Variants in GNL3L observed in about 807,000 individuals in gnomAD.
The protein encoded by GNL3L is guanine nucleotide-binding protein-like 3-like protein.
GNL3L carries 4 observed loss-of-function variants against 42.9 expected under a neutral mutation model. That is an observed-to-expected ratio of 0.09 (90% confidence interval 0.05 to 0.21). The LOEUF is 0.21. Among genes scored for constraint, GNL3L ranks in the 10% least tolerant of loss-of-function variants. The probability of loss-of-function intolerance (pLI) is 1.00; values close to 1 mark genes in which losing one functional copy is unlikely to be tolerated. For synonymous variants in GNL3L, 159 were observed against 176.3 expected (o/e 0.90, Z 0.78); for missense variants, 412 against 481.7 (o/e 0.86, Z 1.36).
chrX:54,550,380 C>T (rs751154727), intron 9 of GNL3L, among the ~76,000 whole-genome samples: 6 of 110,577 alleles, frequency 5.4e-5, no homozygotes, highest in South Asian at 3.9e-4. Flanking sequence ...TCAGCTTTCT[C>T]GGGTTGAAAC....
chrX:54,639,494 A>T, the GNL3L span, among the ~76,000 whole-genome samples: 2 of 110,784 alleles, frequency 1.8e-5, no homozygotes, highest in Non-Finnish European at 3.8e-5. Context: ...TTCGATTCTC[A>T]CTCTTGGAGC....
chrX:54,571,788 AG>A (rs1925547128), downstream of GNL3L, among the ~76,000 whole-genome samples: 2 of 108,583 alleles, frequency 1.8e-5, no homozygotes, highest in African/African-American at 6.7e-5. Context: ...TTGGATATTT[AG>A]GTTTATAGAT....
chrX:54,643,259 T>C, the GNL3L span, among the ~76,000 whole-genome samples: 1 of 111,601 alleles, frequency 9.0e-6, no homozygotes, highest in Admixed American at 9.5e-5. Context: ...TTTCTAATTT[T>C]TTGTTTTTAT....
chrX:54,557,258 AT>A, intron 14 of GNL3L, among the ~76,000 whole-genome samples: 1 of 108,341 alleles, frequency 9.2e-6, no homozygotes, highest in East Asian at 3.0e-4. Context: ...CACAAAGTAG[AT>A]GTCAAAAAAA....
Position 54,554,683 on chromosome X carries a change from C to T in GNL3L, c.1437C>T (p.Thr479=), listed in dbSNP as rs1925033634. The change falls in exon 14 of 16, where the codon ACC becomes ACT. Residue 479 remains threonine, a synonymous_variant. Transcript: ENST00000360845. ...CAGATGCCATTGAAAATAAAACCACCGTGTATAAGGTACCTGTCATCTTTG... is the reference window on the plus strand; with the variant it reads ...CAGATGCCATTGAAAATAAAACCACTGTGTATAAGGTACCTGTCATCTTTG... ...KIADAIENKT[T]VYKIGDLTGY... The T allele has an allele frequency of 5.0e-6, 6 of 1,207,409 alleles. No individual in the cohort carries two copies. Among genetic ancestry groups the T allele is most frequent in the East Asian group, 3.0e-5 (1 of 33,794 alleles).
chrX:54,534,304 C>T lies in GNL3L; in HGVS notation c.19+1719C>T, dbSNP rs750209344. On this transcript the variant is annotated intron_variant, in intron 2 of 15. Coordinates refer to ENST00000360845, the MANE Select transcript of GNL3L (RefSeq NM_001184819.2). ...CGTGTGGCAGTGAAAACAACAACCA[C>T]CTTTTGAGAGGCCTGCAAGTGAAGC... Among the ~76,000 whole-genome samples, 7 of 110,767 alleles carry T rather than the reference C, an allele frequency of 6.3e-5. No homozygotes were observed. In the East Asian group the frequency reaches 1.7e-3, roughly 27 times the overall value.
intron 8 of GNL3L, among the ~76,000 whole-genome samples, chrX:54,547,671 C>T (rs1924813850): frequency 9.0e-6 from 1 of 111,663 alleles, no homozygotes; most frequent in Non-Finnish European, 1.9e-5. Context: ...TGCCACCACA[C>T]TCCTGCCTGG....
Position 54,551,585 on chromosome X carries a change from A to C in GNL3L, c.881A>C (p.Tyr294Ser). ...PGITKFMQEV[Y>S]LDKFIRLLDA... ...CGCCCCAGATTCATGCAGGAGGTCT[A>C]CCTGGACAAGTTCATCCGGCTCTTG... Residue 294 changes from tyrosine to serine, a missense_variant, in exon 11 of 16, where the codon TAC (tyrosine) becomes TCC (serine). Tyr to Ser is a moderately radical substitution (Grantham distance 144). Coordinates refer to ENST00000360845, the MANE Select transcript of GNL3L (RefSeq NM_001184819.2). 2 of 1,210,536 alleles carry C rather than the reference A, an allele frequency of 1.7e-6. No homozygotes were observed. Among genetic ancestry groups the C allele is most frequent in the Non-Finnish European group, 2.2e-6 (2 of 894,589 alleles).
chrX:54,535,181 C>T (rs187686779), intron 2 of GNL3L, among the ~76,000 whole-genome samples: 14 of 111,742 alleles, frequency 1.3e-4, no homozygotes, highest in Admixed American at 2.9e-4. Flanking sequence ...TGCAATGGCG[C>T]GATCTCAGCT....
At chrX:54,553,198 G>A (rs971091260) in intron 13 of GNL3L, among the ~76,000 whole-genome samples, 1 of 111,765 alleles carries the variant, frequency 8.9e-6, no homozygotes, top group African/African-American at 3.2e-5. Flanking sequence ...TATTTGCTGG[G>A]GAACAGAGAT....
intron 12 of GNL3L, 51 bp downstream of exon 12, chrX:54,552,025 C>A (rs1434572980): frequency 7.7e-6 from 9 of 1,164,094 alleles, no homozygotes; most frequent in Non-Finnish European, 1.0e-5. Flanking sequence ...GCCTGGCTCC[C>A]CAAAGGGGCT....
At chrX:54,631,324 C>T in the GNL3L span, among the ~76,000 whole-genome samples, 1 of 110,809 alleles carries the variant, frequency 9.0e-6, no homozygotes, top group South Asian at 3.9e-4. Context: ...CTAGTGCTGT[C>T]AGTGGAGTAT....
In GNL3L at chrX:54,563,934, A is replaced by G. The variant is rs1482855162; in HGVS notation, c.*3332A>G. 2.7e-5 allele frequency among the ~76,000 whole-genome samples: 3 copies of G among 111,727 alleles called. No homozygotes were observed. Among genetic ancestry groups the G allele is most frequent in the Non-Finnish European group, 5.6e-5 (3 of 53,152 alleles). On this transcript the variant is annotated 3_prime_UTR_variant, in exon 16 of 16. Transcript: ENST00000360845. Reference sequence around the variant, plus strand: ...ATTAGGGTACAATTTACATATAGTAAAGTTCACTCTTTATAGTTTTAGTTA... The same window carrying G: ...ATTAGGGTACAATTTACATATAGTAGAGTTCACTCTTTATAGTTTTAGTTA...
chrX:54,558,713 G>T (rs763282152), intron 15 of GNL3L, 58 bp downstream of exon 15: 5 of 782,197 alleles, frequency 6.4e-6, no homozygotes, highest in East Asian at 3.9e-5. Context: ...ATCTTTTTTT[G>T]TTTTTTTTTT....
intron 16 of GNL3L, among the ~76,000 whole-genome samples, chrX:54,602,774 A>G (rs769892639): frequency 9.0e-6 from 1 of 111,311 alleles, no homozygotes; most frequent in Admixed American, 9.6e-5. Context: ...TCTTGTTGCT[A>G]ACAGCCGAGA....
rs1569542641 is a variant in GNL3L, at chrX:54,607,131, TTC to T, written c.*46-13712_*46-13711del. Among the ~76,000 whole-genome samples, 79 of 87,750 alleles carry T rather than the reference TTC, an allele frequency of 9.0e-4. 4 individuals are homozygous for T. The highest frequency in any genetic ancestry group is 3.6e-3 in the African/African-American group (72 of 19,980). 76.2% of individuals were successfully genotyped at this position (87,750 alleles called of 115,157 possible). A position where few individuals can be genotyped will look rare whatever the true frequency, so the allele number is the denominator to read the frequency against. On this transcript the variant is annotated intron_variant, in intron 16 of 16. Transcript: ENST00000674498. The stretch of plus-strand genomic sequence containing the variant: ...TTTCTTTCTTTCTTTCTTTCTTTCT[TTC>T]TTTCTTTGTCTCTCTCTCTCTCTCT...
chrX:54,535,085 G>A (rs1334649474), intron 2 of GNL3L, among the ~76,000 whole-genome samples: 1 of 111,769 alleles, frequency 8.9e-6, no homozygotes, highest in East Asian at 2.8e-4. Flanking sequence ...GTTATGAGAC[G>A]TTTATGTCTG....
In GNL3L at chrX:54,548,323, A is replaced by T; in HGVS notation, c.725A>T (p.Asn242Ile). Reference protein sequence around the residue: ...GAENLMRVLGNYCRLGEVRTH... With the variant: ...GAENLMRVLGIYCRLGEVRTH... ...GAAAACCTCATGAGGGTTCTGGGGA[A>T]CTATTGCCGCCTTGGTGAAGTGCGC... Residue 242 changes from asparagine (N) to isoleucine (I), a missense_variant, in exon 9 of 16, where the codon AAC becomes ATC. Physicochemically the swap from Asn to Ile is moderately radical, Grantham distance 149. Transcript: ENST00000360845. 8.3e-7 allele frequency: 1 copy of T among 1,205,650 alleles called. No homozygotes were observed. The highest frequency in any genetic ancestry group is 1.1e-6 in the Non-Finnish European group (1 of 890,486).
intron 2 of GNL3L, among the ~76,000 whole-genome samples, chrX:54,533,495 C>G (rs1924328060): frequency 9.0e-6 from 1 of 111,486 alleles, no homozygotes. Context: ...GCTGGCCCTG[C>G]CAGTGGACAG....
Sources: allele counts gnomAD v4.1 joint callset (sites outside exome capture counted in the v4.1 genomes callset), GRCh38; gene constraint gnomAD v4.1.1; transcripts MANE v1.5; gene names NCBI Gene and HGNC (gene_info 2026-07-23, HGNC 2026-07-21).